The following TTF1 variants were observed in gnomAD, a reference collection of about 807,000 sequenced individuals.
The protein encoded by TTF1 is transcription termination factor 1.
A neutral mutation model predicts 80.2 loss-of-function variants in TTF1; 64 were observed. That is an observed-to-expected ratio of 0.80 (90% CI 0.65 to 0.98). The LOEUF (loss-of-function observed/expected upper bound fraction) is 0.98, where lower values mean the gene tolerates loss of function less well. TTF1 is among the 50% of genes least tolerant of loss of function. The pLI is 0.00. For missense variants in TTF1, 1,023 were observed against 1,086.2 expected, an observed-to-expected ratio of 0.94 and a Z score of 0.82; for synonymous variants, 372 against 382.7, an observed-to-expected ratio of 0.97 and a Z score of 0.33.
Position 132,401,565 on chromosome 9 carries a change from A to G in TTF1, c.1257T>C (p.Phe419=). The G allele has an allele frequency of 2.5e-6, 4 of 1,614,112 alleles. No homozygotes were observed. The highest frequency in any genetic ancestry group is 3.4e-6 in the Non-Finnish European group (4 of 1,180,014). ...VPSKNSESTL[F]DSVEGDGAMM... ...TGGCGCCATCACCTTCTACTGAATC[A>G]AAGAGTGTGCTCTCAGAGTTCTTAC... is the stretch of plus-strand genomic sequence containing the variant. The change falls in exon 2 of 11, where the codon TTT becomes TTC. Residue 419 remains phenylalanine, a synonymous_variant. Coordinates refer to ENST00000334270, the MANE Select transcript of TTF1 (RefSeq NM_007344.4).
At position 132,402,152 on chromosome 9, in the gene TTF1, T is replaced by A; in HGVS notation, c.670A>T (p.Lys224Ter). Residue 224 changes from lysine to a stop codon, truncating the protein, a stop_gained, in exon 2 of 11, where the codon AAA (lysine) becomes TAA (stop). Coordinates refer to ENST00000334270, the MANE Select transcript of TTF1 (RefSeq NM_007344.4). LOFTEE classifies it high-confidence loss of function. Reference sequence around the variant, plus strand: ...TCATATTCCCGGTTACTGGACTTTTTCTTTTTTTTCTTAGACTTGTTTTTA... The same window carrying A: ...TCATATTCCCGGTTACTGGACTTTTACTTTTTTTTCTTAGACTTGTTTTTA... ...AHKNKSKKKK[K>*]KSSNREYETL... 6.2e-7 allele frequency: 1 copy of A among 1,614,146 alleles called. No individual in the cohort carries two copies. Among genetic ancestry groups the A allele is most frequent in the Non-Finnish European group, 8.5e-7 (1 of 1,180,032 alleles).
chr9:132,377,143 G>GT (rs1484884631), intron 10 of TTF1, among the ~76,000 whole-genome samples: 3 of 151,774 alleles, frequency 2.0e-5, no homozygotes, highest in Non-Finnish European at 4.4e-5. Flanking sequence ...TGTGGTGTGT[G>GT]TGAGTGCATG....
chr9:132,390,262 G>A (rs1328819122), intron 7 of TTF1, among the ~76,000 whole-genome samples: 1 of 152,224 alleles, frequency 6.6e-6, no homozygotes, highest in Non-Finnish European at 1.5e-5. Flanking sequence ...TTACACGCAT[G>A]AGCCACTGCG....
chr9:132,379,582 G>C (rs1202977601), intron 9 of TTF1, among the ~76,000 whole-genome samples: 1 of 152,190 alleles, frequency 6.6e-6, no homozygotes, highest in Non-Finnish European at 1.5e-5. Context: ...CGAGGAAACT[G>C]AGGCACAGAG....
chr9:132,398,077 T>C lies in TTF1; in HGVS notation c.1777+64A>G, dbSNP rs1589825320. On this transcript the variant is annotated intron_variant, in intron 4 of 10. Coordinates refer to ENST00000334270, the MANE Select transcript of TTF1 (RefSeq NM_007344.4). ...CCAGGTACCGTGCTAACACTTACCA[T>C]GGGTTATCTTGTTTATGGCTGGAAG... is the stretch of plus-strand genomic sequence containing the variant. 15 of 1,402,654 alleles carry C rather than the reference T, an allele frequency of 1.1e-5. No individual in the cohort carries two copies. The East Asian group carries it at 2.5e-4, about 23-fold the overall frequency. The allele number at this position is 1,402,654 out of a possible 1,614,324, so 86.9% of individuals were successfully genotyped here.
chr9:132,404,137 G>T (rs189785544), intron 1 of TTF1, among the ~76,000 whole-genome samples: 1 of 152,264 alleles, frequency 6.6e-6, no homozygotes, highest in Non-Finnish European at 1.5e-5. Context: ...AAATAAAAAT[G>T]ATCTTCATAT....
At chr9:132,399,960 T>A in intron 3 of TTF1, 75 bp downstream of exon 3, 1 of 1,429,426 alleles carries the variant, frequency 7.0e-7, no homozygotes, top group Non-Finnish European at 9.8e-7. Flanking sequence ...TAAATCTGAA[T>A]CATCCATAAA....
chr9:132,381,847 T>G (rs1225874468), intron 9 of TTF1, among the ~76,000 whole-genome samples: 1 of 152,098 alleles, frequency 6.6e-6, no homozygotes, highest in Non-Finnish European at 1.5e-5. Context: ...TCCCTAATGG[T>G]TCCGCAGAAT....
intron 4 of TTF1, 132 bp downstream of exon 4, chr9:132,398,009 C>T: frequency 4.9e-6 from 3 of 617,820 alleles, no homozygotes; most frequent in South Asian, 5.7e-5. Context: ...AGAATATCAT[C>T]AGCCATCACA....
intron 4 of TTF1, among the ~76,000 whole-genome samples, chr9:132,397,901 A>G (rs546259): frequency 0.76 from 115,143 of 151,314 alleles, 44,935 homozygotes; most frequent in Non-Finnish European, 0.86. Context: ...CAGGAAAATC[A>G]CTTGAACCCC....
intron 3 of TTF1, among the ~76,000 whole-genome samples, chr9:132,399,646 C>T (rs1849723112): frequency 1.3e-5 from 2 of 152,182 alleles, no homozygotes; most frequent in Admixed American, 1.3e-4. Context: ...GGCTCACCAT[C>T]AATTTAATAT....
At chr9:132,403,032 T>C (rs1168465846) in intron 1 of TTF1, among the ~76,000 whole-genome samples, 5 of 152,180 alleles carry the variant, frequency 3.3e-5, no homozygotes, top group African/African-American at 1.2e-4. Context: ...ATTTTGTTTT[T>C]GTATTTTCAG....
At chr9:132,404,117 C>T (rs138832016) in intron 1 of TTF1, among the ~76,000 whole-genome samples, 104 of 152,254 alleles carry the variant, frequency 6.8e-4, no homozygotes, top group African/African-American at 2.2e-3. Context: ...GACACATTTA[C>T]GTCGTACAAA....
At position 132,377,808 on chromosome 9, in the gene TTF1, T is replaced by A. The variant is rs535380035; in HGVS notation, c.2464+1251A>T. On this transcript the variant is annotated intron_variant, in intron 10 of 10. Coordinates refer to ENST00000334270, the MANE Select transcript of TTF1 (RefSeq NM_007344.4). The stretch of plus-strand genomic sequence containing the variant: ...GTGCATGTGGTGTGTGTGCATGTGG[T>A]GTGAGTGCATGTGGTGTGTGTGAAT... Among the ~76,000 whole-genome samples the A allele has an allele frequency of 3.0e-3, 313 of 105,614 alleles. 2 individuals are homozygous for A. Among genetic ancestry groups the A allele is most frequent in the African/African-American group, 0.012 (302 of 26,256 alleles). The allele number at this position is 105,614 out of a possible 152,430, so 69.3% of individuals were successfully genotyped here.
At chr9:132,405,872 A>G (rs373254892) in intron 1 of TTF1, among the ~76,000 whole-genome samples, 100 of 152,328 alleles carry the variant, frequency 6.6e-4, no homozygotes, top group African/African-American at 2.2e-3. Flanking sequence ...TCCATCAGGA[A>G]AGCTCTTCCT....
At chr9:132,378,414 G>C in intron 10 of TTF1, among the ~76,000 whole-genome samples, 1 of 72,068 alleles carries the variant, frequency 1.4e-5, no homozygotes. Context: ...GAGTGCATGT[G>C]GTGTGAGTGC....
At chr9:132,389,396 T>C (rs1849523012) in intron 7 of TTF1, among the ~76,000 whole-genome samples, 1 of 151,980 alleles carries the variant, frequency 6.6e-6, no homozygotes, top group Admixed American at 6.6e-5. Context: ...TTGGCCAGTC[T>C]GGTCTTGAAC....
At chr9:132,377,875 TGTG>T (rs1189070817) in intron 10 of TTF1, among the ~76,000 whole-genome samples, 12 of 130,902 alleles carry the variant, frequency 9.2e-5, no homozygotes, top group Non-Finnish European at 1.1e-4. Flanking sequence ...AGTGCATGCA[TGTG>T]GTGTGTGTGA....
At position 132,398,218 on chromosome 9, in the gene TTF1, A is replaced by G. The variant is rs1216385783; in HGVS notation, c.1700T>C (p.Leu567Pro). The change falls in exon 4 of 11, where the codon CTG becomes CCG. Residue 567 changes from leucine to proline, a missense_variant. By Grantham distance (98) the Leu-to-Pro change is moderately conservative (BLOSUM62 -3). Coordinates refer to ENST00000334270, the MANE Select transcript of TTF1 (RefSeq NM_007344.4). Reference protein sequence around the residue: ...LTGIESADKLLYTDRYPEEKS... With the variant: ...LTGIESADKLPYTDRYPEEKS... The stretch of plus-strand genomic sequence containing the variant: ...TTCCTCAGGATATCTGTCCGTGTAC[A>G]GCAGCTTGTCTGCACTCTCAATGCC... 6.2e-7 allele frequency: 1 copy of G among 1,605,078 alleles called. No homozygotes were observed. Among genetic ancestry groups the G allele is most frequent in the African/African-American group, 1.3e-5 (1 of 74,420 alleles).
Sources: gnomAD v4.1 joint callset for allele counts (sites outside exome capture counted in the v4.1 genomes callset) on GRCh38, gnomAD v4.1.1 for gene constraint, MANE v1.5 for transcripts, NCBI Gene and HGNC (gene_info 2026-07-23, HGNC 2026-07-21) for gene names.